FER: variants seen among roughly 807,000 people sequenced by gnomAD.
The protein encoded by FER is FER tyrosine kinase.
FER carries 63 observed loss-of-function variants against 111.0 expected under a neutral mutation model. That is an observed-to-expected ratio of 0.57 (90% confidence interval 0.46 to 0.70). The LOEUF is 0.70. Among genes scored for constraint, FER ranks in the 30% least tolerant of loss-of-function variants. The pLI is 0.00. For synonymous variants in FER, 327 were observed against 313.9 expected, an observed-to-expected ratio of 1.04 and a Z score of -0.44; for missense variants, 914 against 954.0, an observed-to-expected ratio of 0.96 and a Z score of 0.55.
chr5:108,771,785 G>A (rs767890644), intron 2 of FER, among the ~76,000 whole-genome samples: 26 of 152,202 alleles, frequency 1.7e-4, no homozygotes, highest in Non-Finnish European at 3.5e-4. Context: ...AAGACATCAT[G>A]ATAACTTAAA....
intron 18 of FER, among the ~76,000 whole-genome samples, chr5:109,183,437 C>G (rs1758512653): frequency 6.6e-6 from 1 of 152,000 alleles, no homozygotes; most frequent in Non-Finnish European, 1.5e-5. Context: ...TTAGTAGAGA[C>G]AGGGTTTTAC....
intron 17 of FER, among the ~76,000 whole-genome samples, chr5:109,122,502 A>G (rs1393747785): frequency 6.8e-6 from 1 of 147,800 alleles, no homozygotes; most frequent in Non-Finnish European, 1.5e-5. Flanking sequence ...TCTGTCCTTG[A>G]GAATGATCCA....
chr5:108,807,572 T>C (rs1418909422), intron 3 of FER, among the ~76,000 whole-genome samples: 1 of 152,180 alleles, frequency 6.6e-6, no homozygotes, highest in Non-Finnish European at 1.5e-5. Context: ...AAGATCAAAG[T>C]TTTTGTTTTG....
chr5:109,068,895 T>C (rs1775438804), intron 16 of FER, among the ~76,000 whole-genome samples: 1 of 152,238 alleles, frequency 6.6e-6, no homozygotes, highest in African/African-American at 2.4e-5. Flanking sequence ...ATTCTTGTAA[T>C]GCCTAAATAT....
At chr5:108,755,804 A>G (rs1279853007) in intron 1 of FER, among the ~76,000 whole-genome samples, 1 of 151,048 alleles carries the variant, frequency 6.6e-6, no homozygotes, top group Non-Finnish European at 1.5e-5. Flanking sequence ...CAGTTTTGAT[A>G]ACAAATGGGT....
chr5:109,034,394 G>A (rs1380701899), intron 13 of FER, among the ~76,000 whole-genome samples: 1 of 151,932 alleles, frequency 6.6e-6, no homozygotes, highest in Non-Finnish European at 1.5e-5. Flanking sequence ...TCATTTCGAG[G>A]TTACTTTTTC....
chr5:108,780,851 T>C (rs926840546), intron 2 of FER, among the ~76,000 whole-genome samples: 1 of 64,708 alleles, frequency 1.5e-5, no homozygotes, highest in Non-Finnish European at 3.0e-5. Flanking sequence ...TGCTTTGTAG[T>C]TTTTTTTTTT....
intron 13 of FER, among the ~76,000 whole-genome samples, chr5:108,967,069 T>C (rs1312802659): frequency 3.3e-5 from 5 of 152,168 alleles, no homozygotes. Context: ...CACCTAGGCC[T>C]CACACAGCCA....
intron 2 of FER, among the ~76,000 whole-genome samples, chr5:108,796,469 T>A (rs1756030842): frequency 6.6e-6 from 1 of 152,040 alleles, no homozygotes; most frequent in South Asian, 2.1e-4. Context: ...GGGTGGTGAG[T>A]TTCTGTAGGC....
chr5:108,992,690 C>A (rs1490608811), intron 13 of FER, among the ~76,000 whole-genome samples: 1 of 151,612 alleles, frequency 6.6e-6, no homozygotes, highest in Non-Finnish European at 1.5e-5. Flanking sequence ...TGACCCCCAC[C>A]TCCCTCCCGG....
At chr5:108,844,121 CAT>C (rs200733308) in intron 5 of FER, among the ~76,000 whole-genome samples, 5,726 of 143,946 alleles carry the variant, frequency 0.04, 254 homozygotes, top group African/African-American at 0.046. Flanking sequence ...TGTGTGAACA[CAT>C]ATATGTGTGT....
intron 3 of FER, among the ~76,000 whole-genome samples, chr5:108,828,717 G>A (rs1247157328): frequency 1.3e-5 from 2 of 152,102 alleles, no homozygotes; most frequent in African/African-American, 2.4e-5. Context: ...TCAATTGTAA[G>A]GAATACTATT....
chr5:108,958,431 C>T (rs1758716588), intron 12 of FER, among the ~76,000 whole-genome samples: 1 of 151,596 alleles, frequency 6.6e-6, no homozygotes, highest in Non-Finnish European at 1.5e-5. Context: ...AAAAATATGG[C>T]CAATAGGGTA....
At chr5:108,810,884 G>A (rs1039917614) in intron 3 of FER, among the ~76,000 whole-genome samples, 1 of 151,978 alleles carries the variant, frequency 6.6e-6, no homozygotes, top group Non-Finnish European at 1.5e-5. Context: ...GAAAGGGTAG[G>A]GTGGCTCATG....
intron 17 of FER, among the ~76,000 whole-genome samples, chr5:109,129,960 T>C (rs1199442612): frequency 1.3e-5 from 2 of 151,992 alleles, no homozygotes; most frequent in Non-Finnish European, 2.9e-5. Context: ...CAATACCAAA[T>C]AATAGTTGTA....
chr5:108,959,330 C>T lies in FER; in HGVS notation c.1639C>T (p.Leu547=). The T allele has an allele frequency of 6.2e-7, 1 of 1,610,670 alleles. No homozygotes were observed. Among genetic ancestry groups the T allele is most frequent in the Non-Finnish European group, 8.5e-7 (1 of 1,178,138 alleles). Residue 547 remains leucine, a synonymous_variant, in exon 13 of 20, where the codon CTG becomes TTG. Transcript: ENST00000281092. ...CACTAAGAAATCAGGTGTAGTTCTG[C>T]TGAATCCTATTCCTAAGGTAGGTGC... ...VITKKSGVVL[L]NPIPKDKKWI...
chr5:109,028,895 A>ATG (rs1417611358), intron 13 of FER, among the ~76,000 whole-genome samples: 1 of 148,934 alleles, frequency 6.7e-6, no homozygotes. Flanking sequence ...GGCTGATCAC[A>ATG]TACCTGTTAA....
intron 3 of FER, among the ~76,000 whole-genome samples, chr5:108,807,454 G>C (rs1378242213): frequency 6.6e-6 from 1 of 152,092 alleles, no homozygotes; most frequent in Non-Finnish European, 1.5e-5. Flanking sequence ...TTTTTCTGTG[G>C]ATCAGTTTTG....
At chr5:109,168,791 A>T (rs1756807161) in intron 17 of FER, among the ~76,000 whole-genome samples, 1 of 152,214 alleles carries the variant, frequency 6.6e-6, no homozygotes, top group Non-Finnish European at 1.5e-5. Flanking sequence ...ATCCTATGAT[A>T]CCCACTTGCC....
Sources: gnomAD v4.1 joint callset for allele counts (sites outside exome capture counted in the v4.1 genomes callset) on GRCh38, gnomAD v4.1.1 for gene constraint, MANE v1.5 for transcripts, NCBI Gene and HGNC (gene_info 2026-07-23, HGNC 2026-07-21) for gene names.